The following BCO1 variants were observed in gnomAD, a reference collection of about 807,000 sequenced individuals.
The protein encoded by BCO1 is beta,beta-carotene 15,15'-dioxygenase.
Under a neutral mutation model 56.3 loss-of-function variants are expected in BCO1, and 54 were observed. That is an observed-to-expected ratio of 0.96 (90% CI 0.77 to 1.20). The LOEUF is 1.20. Ranked by LOEUF, BCO1 falls within the 50% of genes most tolerant of loss-of-function variation. The probability of loss-of-function intolerance (pLI) is 0.00; values close to 1 mark genes in which losing one functional copy is unlikely to be tolerated. For synonymous variants in BCO1, 318 were observed against 266.1 expected (o/e 1.20, Z -1.90); for missense variants, 801 against 690.9 (o/e 1.16, Z -1.79).
chr16:81,258,050 G>C (rs1165818951), intron 2 of BCO1, among the ~76,000 whole-genome samples: 1 of 152,100 alleles, frequency 6.6e-6, no homozygotes, highest in East Asian at 1.9e-4. Context: ...GGGTCACAGT[G>C]ACGCAGCCAT....
intron 2 of BCO1, among the ~76,000 whole-genome samples, chr16:81,247,423 G>C (rs1056493168): frequency 6.6e-6 from 1 of 152,204 alleles, no homozygotes; most frequent in African/African-American, 2.4e-5. Context: ...AACACCTTGA[G>C]AGGCGGAGGC....
chr16:81,273,433 C>G (rs1305656731), intron 7 of BCO1, among the ~76,000 whole-genome samples: 1 of 152,110 alleles, frequency 6.6e-6, no homozygotes, highest in African/African-American at 2.4e-5. Context: ...CTTTTCCCAC[C>G]CTTACCGCCC....
intron 2 of BCO1, among the ~76,000 whole-genome samples, chr16:81,259,449 G>A (rs950506896): frequency 4.6e-5 from 7 of 151,936 alleles, no homozygotes; most frequent in East Asian, 3.9e-4. Context: ...AGCCGAGATC[G>A]CACCATTATA....
intron 2 of BCO1, among the ~76,000 whole-genome samples, chr16:81,251,105 T>C (rs1469392451): frequency 6.6e-6 from 1 of 152,214 alleles, no homozygotes; most frequent in Non-Finnish European, 1.5e-5. Context: ...TAGCCTTCTG[T>C]ACCTTTTTAA....
chr16:81,251,570 A>G (rs1262746273), intron 2 of BCO1, among the ~76,000 whole-genome samples: 1 of 152,168 alleles, frequency 6.6e-6, no homozygotes, highest in Non-Finnish European at 1.5e-5. Flanking sequence ...AAAAAAATTA[A>G]AAAAGAAAAA....
intron 2 of BCO1, among the ~76,000 whole-genome samples, chr16:81,248,220 G>T (rs1394419164): frequency 6.6e-6 from 1 of 151,800 alleles, no homozygotes; most frequent in African/African-American, 2.4e-5. Flanking sequence ...TGGCCAACAT[G>T]GTGAAACCCC....
At chr16:81,251,002 A>G (rs1449348784) in intron 2 of BCO1, among the ~76,000 whole-genome samples, 1 of 152,092 alleles carries the variant, frequency 6.6e-6, no homozygotes, top group African/African-American at 2.4e-5. Flanking sequence ...AGGTTTGACA[A>G]TCCCTCCACA....
At chr16:81,283,774 C>T (rs1908012605) in intron 8 of BCO1, among the ~76,000 whole-genome samples, 1 of 152,118 alleles carries the variant, frequency 6.6e-6, no homozygotes, top group African/African-American at 2.4e-5. Context: ...TTTTCTTGGA[C>T]ATTATATCTT....
At chr16:81,248,367 C>T (rs1463319482) in intron 2 of BCO1, among the ~76,000 whole-genome samples, 1 of 141,636 alleles carries the variant, frequency 7.1e-6, no homozygotes, top group Non-Finnish European at 1.5e-5. Flanking sequence ...TGCACCATTG[C>T]ACTCCAGCCT....
chr16:81,241,603 G>A (rs982635018), intron 1 of BCO1, among the ~76,000 whole-genome samples: 2 of 152,168 alleles, frequency 1.3e-5, no homozygotes, highest in African/African-American at 4.8e-5. Flanking sequence ...TCAGCAAGCT[G>A]TGTGTTCACA....
At chr16:81,282,574 C>A (rs1452662839) in intron 8 of BCO1, among the ~76,000 whole-genome samples, 1 of 152,012 alleles carries the variant, frequency 6.6e-6, no homozygotes, top group African/African-American at 2.4e-5. Context: ...TTCTGTGATG[C>A]AACTCATTCC....
intron 2 of BCO1, among the ~76,000 whole-genome samples, chr16:81,255,942 G>T (rs1477098612): frequency 6.6e-6 from 1 of 151,332 alleles, no homozygotes; most frequent in African/African-American, 2.4e-5. Flanking sequence ...TGAACCTCCC[G>T]AGTAGCTGGG....
chr16:81,243,692 C>G (rs528347336), intron 1 of BCO1, among the ~76,000 whole-genome samples: 11 of 152,330 alleles, frequency 7.2e-5, no homozygotes, highest in African/African-American at 2.4e-4. Context: ...TTGTCTCCAG[C>G]TCCTGACCTC....
At chr16:81,246,866 AAAG>A (rs1395733873) in intron 2 of BCO1, among the ~76,000 whole-genome samples, 5 of 151,238 alleles carry the variant, frequency 3.3e-5, no homozygotes, top group South Asian at 2.1e-4. Context: ...AAAAAAAAAA[AAAG>A]AAGAGTACAG....
chr16:81,259,652 A>T (rs1303350382), intron 2 of BCO1, 24 bp from the exon 3 acceptor site: 1 of 1,614,094 alleles, frequency 6.2e-7, no homozygotes, highest in East Asian at 2.2e-5. Context: ...TCAGCCTGAG[A>T]TTATGCTGGT....
At chr16:81,249,388 C>A (rs554013991) in intron 2 of BCO1, among the ~76,000 whole-genome samples, 2 of 152,074 alleles carry the variant, frequency 1.3e-5, no homozygotes, top group Non-Finnish European at 2.9e-5. Flanking sequence ...TCCCGAGTAG[C>A]TGGGACTACA....
chr16:81,270,909 G>T (rs981324171), intron 7 of BCO1, among the ~76,000 whole-genome samples: 13 of 151,754 alleles, frequency 8.6e-5, no homozygotes, highest in African/African-American at 1.2e-4. Context: ...CATGCCCAGA[G>T]AATTTTTTGT....
In BCO1 at chr16:81,239,037, G is replaced by A. The variant is rs982283388; in HGVS notation, c.64+65G>A. The A allele has an allele frequency of 1.8e-4, 230 of 1,307,368 alleles. 1 individual carries two copies. Among genetic ancestry groups the A allele is most frequent in the Non-Finnish European group, 2.2e-4 (209 of 942,372 alleles). The allele number at this position is 1,307,368 out of a possible 1,614,324, so 81.0% of individuals were successfully genotyped here. ...ATTTTATTATTTTTTTTTTTTTTGA[G>A]GCGGAGTCTCGCTCTGTCGCCCGGG... On this transcript the variant is annotated intron_variant, in intron 1 of 10. Coordinates refer to ENST00000258168, the MANE Select transcript of BCO1 (RefSeq NM_017429.3).
At chr16:81,269,669 A>ATGTTGG (rs1907064255) in intron 6 of BCO1, among the ~76,000 whole-genome samples, 1 of 152,130 alleles carries the variant, frequency 6.6e-6, no homozygotes, top group Non-Finnish European at 1.5e-5. Context: ...GGGTTTTGCC[A>ATGTTGG]TGTTGGCCAG....
Sources: gnomAD v4.1 joint callset for allele counts (sites outside exome capture counted in the v4.1 genomes callset) on GRCh38, gnomAD v4.1.1 for gene constraint, MANE v1.5 for transcripts, NCBI Gene and HGNC (gene_info 2026-07-23, HGNC 2026-07-21) for gene names.